MICAL3: variants seen among roughly 807,000 people sequenced by gnomAD.
MICAL3 encodes microtubule associated monooxygenase, calponin and LIM domain containing 3, also known as [F-actin]-monooxygenase MICAL3.
A neutral mutation model predicts 207.4 loss-of-function variants in MICAL3; 62 were observed. That is an observed-to-expected ratio of 0.30 (90% CI 0.24 to 0.37). The LOEUF is 0.37. Ranked by LOEUF, MICAL3 falls within the 10% of genes least tolerant of loss-of-function variation. The pLI, the probability that MICAL3 is intolerant of heterozygous loss-of-function variation, is 1.00. For missense variants in MICAL3, 2,368 were observed against 2,635.6 expected, an observed-to-expected ratio of 0.90 and a Z score of 2.22; for synonymous variants, 1,077 against 1,069.3, an observed-to-expected ratio of 1.01 and a Z score of -0.14.
At chr22:17,863,465 A>G in intron 19 of MICAL3, 2 of 985,426 alleles carry the variant, frequency 2.0e-6, no homozygotes, top group Non-Finnish European at 2.4e-6. Context: ...ATGCTCTGAG[A>G]GTGTCAGCTG....
At chr22:17,868,869 A>C (rs1286031621) in intron 17 of MICAL3, among the ~76,000 whole-genome samples, 2 of 151,130 alleles carry the variant, frequency 1.3e-5, no homozygotes, top group Non-Finnish European at 2.9e-5. Flanking sequence ...GAGTGCCCCC[A>C]GGCAAGCAGA....
chr22:17,924,290 G>A (rs943701481), intron 1 of MICAL3, among the ~76,000 whole-genome samples: 5 of 152,158 alleles, frequency 3.3e-5, no homozygotes, highest in African/African-American at 1.2e-4. Flanking sequence ...AAGCTCCACA[G>A]ACTCCAACTC....
intron 29 of MICAL3, among the ~76,000 whole-genome samples, chr22:17,795,760 T>G (rs1275450562): frequency 1.3e-5 from 2 of 152,232 alleles, no homozygotes; most frequent in Non-Finnish European, 2.9e-5. Flanking sequence ...CGCTCCACAC[T>G]TCCACAACGG....
chr22:17,804,356 A>T (rs891734860), intron 29 of MICAL3, among the ~76,000 whole-genome samples: 1 of 152,208 alleles, frequency 6.6e-6, no homozygotes, highest in Non-Finnish European at 1.5e-5. Context: ...GTGCTCTCCC[A>T]GGAATTCCCA....
chr22:17,858,707 T>C (rs892028700), intron 19 of MICAL3, among the ~76,000 whole-genome samples: 1 of 152,170 alleles, frequency 6.6e-6, no homozygotes, highest in African/African-American at 2.4e-5. Context: ...AAAGAACAGA[T>C]TTCAAGAAGT....
intron 1 of MICAL3, among the ~76,000 whole-genome samples, chr22:17,939,379 C>G (rs1259400917): frequency 6.6e-6 from 1 of 152,254 alleles, no homozygotes; most frequent in East Asian, 1.9e-4. Context: ...CGGCACCCAA[C>G]TCAGCAAGTC....
rs192556635 is a variant in MICAL3, at chr22:18,002,055, G to A, written c.-75+22226C>T. 7.3e-3 allele frequency among the ~76,000 whole-genome samples: 1,107 copies of A among 152,158 alleles called. 19 individuals carry two copies. Among genetic ancestry groups the A allele is most frequent in the African/African-American group, 0.023 (968 of 41,528 alleles). On this transcript the variant is annotated intron_variant, in intron 1 of 31. Transcript: ENST00000441493. ...TCTACTGAAAATACAAAAATTAGCC[G>A]GGCGTGGTTGCACGGGCCTGTAGTC...
At chr22:17,864,211 A>G (rs1056882993) in intron 19 of MICAL3, 2 of 1,000,596 alleles carry the variant, frequency 2.0e-6, no homozygotes, top group Non-Finnish European at 2.4e-6. Flanking sequence ...TTGTAGAGGT[A>G]GAGATGGTAC....
intron 16 of MICAL3, among the ~76,000 whole-genome samples, chr22:17,872,530 C>T (rs1387314865): frequency 6.6e-6 from 1 of 152,210 alleles, no homozygotes. Flanking sequence ...TGTATCTATT[C>T]CGTGTTGACA....
intron 1 of MICAL3, among the ~76,000 whole-genome samples, chr22:17,973,876 G>A (rs1569153029): frequency 2.0e-5 from 3 of 152,208 alleles, no homozygotes; most frequent in Middle Eastern, 3.4e-3. Flanking sequence ...AGCTGTGGTC[G>A]CACCACTGCA....
chr22:17,813,071 C>T (rs530580070), intron 27 of MICAL3: 1 of 152,296 alleles, frequency 6.6e-6, no homozygotes, highest in South Asian at 2.1e-4. Context: ...CCAAAAGGCC[C>T]TCCGCTGGCA....
intron 11 of MICAL3, 22 bp downstream of exon 11, chr22:17,893,786 A>G (rs1930590253): frequency 2.0e-6 from 3 of 1,533,586 alleles, no homozygotes; most frequent in Non-Finnish European, 2.7e-6. Context: ...CTGCATTTTA[A>G]AAAGCCACCA....
intron 1 of MICAL3, among the ~76,000 whole-genome samples, chr22:17,914,258 G>C (rs577418708): frequency 3.8e-4 from 53 of 137,816 alleles, no homozygotes; most frequent in African/African-American, 1.3e-3. Flanking sequence ...GAAAGCGTGA[G>C]AATGGCATTG....
chr22:17,829,308 A>G (rs541286059), intron 21 of MICAL3, among the ~76,000 whole-genome samples: 2 of 152,228 alleles, frequency 1.3e-5, no homozygotes, highest in Non-Finnish European at 2.9e-5. Flanking sequence ...CTGGGATTAC[A>G]GGCATGTGCC....
chr22:17,868,820 C>A (rs563634680), intron 17 of MICAL3, among the ~76,000 whole-genome samples: 1 of 151,976 alleles, frequency 6.6e-6, no homozygotes, highest in Admixed American at 6.5e-5. Context: ...ATCTGAACAC[C>A]GAGAGCCCCC....
At chr22:17,811,445 T>C (rs388415) in intron 27 of MICAL3, 60,362 of 152,076 alleles carry the variant, frequency 0.4, 12,851 homozygotes, top group African/African-American at 0.57. Flanking sequence ...ATTGTGGAGG[T>C]GAACCTGGAC....
At chr22:17,988,617 G>T (rs1249596135) in intron 1 of MICAL3, among the ~76,000 whole-genome samples, 2 of 152,142 alleles carry the variant, frequency 1.3e-5, no homozygotes, top group Non-Finnish European at 1.5e-5. Flanking sequence ...ACCGCGCCCG[G>T]CTAATTTTTT....
intron 29 of MICAL3, among the ~76,000 whole-genome samples, chr22:17,804,248 G>A (rs192720069): frequency 4.9e-4 from 75 of 152,286 alleles, no homozygotes; most frequent in African/African-American, 1.7e-3. Flanking sequence ...GGCTGCCTGC[G>A]TGTCAGTTGC....
intron 16 of MICAL3, among the ~76,000 whole-genome samples, chr22:17,884,089 A>C (rs1291283890): frequency 3.3e-5 from 5 of 152,238 alleles, no homozygotes. Flanking sequence ...GGAGTTACAT[A>C]AATCATGCAA....
Sources: gnomAD v4.1 joint callset for allele counts (sites outside exome capture counted in the v4.1 genomes callset) on GRCh38, gnomAD v4.1.1 for gene constraint, MANE v1.5 for transcripts, NCBI Gene and HGNC (gene_info 2026-07-23, HGNC 2026-07-21) for gene names.